PTCHD4: variants seen among roughly 807,000 people sequenced by gnomAD.
PTCHD4 encodes the protein patched domain containing 4, also known as patched domain-containing protein 4.
In PTCHD4, 33 loss-of-function variants were observed where a neutral mutation model predicts 58.1. The ratio of observed to expected loss-of-function variants is 0.57; its 90% CI spans 0.43 to 0.76. The LOEUF (loss-of-function observed/expected upper bound fraction) is 0.76, where lower values mean the gene tolerates loss of function less well. Among genes scored for constraint, PTCHD4 ranks in the 30% least tolerant of loss-of-function variants. The probability of loss-of-function intolerance (pLI) is 0.00; values close to 1 mark genes in which losing one functional copy is unlikely to be tolerated. For missense variants in PTCHD4, 1,058 were observed against 1,027.1 expected (o/e 1.03, Z -0.41); for synonymous variants, 478 against 409.6 (o/e 1.17, Z -2.02).
rs956241096 is a variant in PTCHD4, at chr6:47,867,101, T to C, written c.*11202A>G. ...TATAAATCAGGGACAATAATACCTA[T>C]TCTATTAGGCAGGTATTATTTGAAT... On this transcript the variant is annotated 3_prime_UTR_variant, in exon 5 of 5. Transcript: ENST00000339488. Among the ~76,000 whole-genome samples, 1 of 151,816 alleles carries C rather than the reference T, an allele frequency of 6.6e-6. No homozygotes were observed. The highest frequency in any genetic ancestry group is 2.4e-5 in the African/African-American group (1 of 41,380).
intron 4 of PTCHD4, among the ~76,000 whole-genome samples, chr6:47,987,902 A>C (rs1768133586): frequency 6.6e-6 from 1 of 151,972 alleles, no homozygotes; most frequent in Non-Finnish European, 1.5e-5. Flanking sequence ...CAGCCTCCCA[A>C]GTTGCTGGGA....
Position 47,858,469 on chromosome 6 carries a change from C to G in PTCHD4, c.*19834G>C, listed in dbSNP as rs558231121. 2.6e-5 allele frequency among the ~76,000 whole-genome samples: 4 copies of G among 152,078 alleles called. No homozygotes were observed. The East Asian group carries it at 5.8e-4, about 22-fold the overall frequency. On this transcript the variant is annotated 3_prime_UTR_variant, in exon 5 of 5. Transcript: ENST00000339488. Reference sequence around the variant, plus strand: ...AATGGAAATAAAAGTTATCACATCTCCCAAACAACTATCATTTATGATACT... The same window carrying G: ...AATGGAAATAAAAGTTATCACATCTGCCAAACAACTATCATTTATGATACT...
At chr6:48,065,165 T>C (rs1764754707) in intron 3 of PTCHD4, among the ~76,000 whole-genome samples, 1 of 152,188 alleles carries the variant, frequency 6.6e-6, no homozygotes, top group Admixed American at 6.5e-5. Context: ...TAACAAAGGT[T>C]TCTGACCACT....
Position 48,100,725 on chromosome 6 carries a change from C to G in PTCHD4, c.-970+10324G>C, listed in dbSNP as rs9473241. Among the ~76,000 whole-genome samples the G allele has an allele frequency of 3.9e-5, 6 of 152,106 alleles. No homozygotes were observed. The South Asian group carries it at 1.2e-3, about 32-fold the overall frequency. ...TTTAAGCCCTGATATTCTGTCGACA[C>G]GGAGGGTCACTTTCCTCTCATTGTT... On this transcript the variant is annotated intron_variant, in intron 1 of 4. Transcript: ENST00000339488.
At chr6:48,091,639 C>T (rs1422389415) in intron 1 of PTCHD4, among the ~76,000 whole-genome samples, 1 of 131,982 alleles carries the variant, frequency 7.6e-6, no homozygotes, top group African/African-American at 2.8e-5. Flanking sequence ...CTCCCTTCCT[C>T]TTTCTTTCTC....
rs1554156408 is a variant in PTCHD4, at chr6:47,921,956, A to AG, written c.899-42021_899-42020insC. On this transcript the variant is annotated intron_variant, in intron 4 of 4. Transcript: ENST00000339488. ...CAAGACACCTTGTCTAAAAAAAAAAAAAAAGAAAAGAAAAGAAAAGAAAAG... is the reference window on the plus strand; with the variant it reads ...CAAGACACCTTGTCTAAAAAAAAAAAGAAAAGAAAAGAAAAGAAAAGAAAAG... Among the ~76,000 whole-genome samples, 6 of 147,052 alleles carry AG rather than the reference A, an allele frequency of 4.1e-5. No individual in the cohort carries two copies. In the South Asian group the frequency reaches 1.1e-3, roughly 26 times the overall value.
intron 4 of PTCHD4, 103 bp downstream of exon 4, chr6:48,008,531 C>T: frequency 2.3e-6 from 3 of 1,315,398 alleles, no homozygotes; most frequent in Admixed American, 5.3e-5. Context: ...GACATAGACA[C>T]CCCAATGCAA....
At chr6:47,968,485 AGT>A (rs1162573942) in intron 4 of PTCHD4, among the ~76,000 whole-genome samples, 12 of 152,198 alleles carry the variant, frequency 7.9e-5, no homozygotes, top group Admixed American at 7.9e-4. Flanking sequence ...TGCTGGGTGC[AGT>A]TGTCACAAAC....
chr6:48,068,561 T>C lies in PTCHD4; in HGVS notation c.86A>G (p.His29Arg), dbSNP rs772013885. The C allele has an allele frequency of 5.0e-6, 8 of 1,594,864 alleles. No homozygotes were observed. Among genetic ancestry groups the C allele is most frequent in the Non-Finnish European group, 6.8e-6 (8 of 1,173,806 alleles). ...CCGGCTCACGCACAAACCCAGCCTG[T>C]GGCAGAACGACTGGAGCCCTCTGCG... ...VLRRGLQSFC[H>R]RLGLCVSRHP... Residue 29 changes from histidine to arginine, a missense_variant, in exon 3 of 5, where the codon CAC (histidine) becomes CGC (arginine). Physicochemically the swap from His to Arg is conservative, Grantham distance 29. Transcript: ENST00000339488. This position sits in a 1 kb window ranked among gnomAD's most constrained non-coding sequence, Gnocchi z 4.2.
intron 1 of PTCHD4, among the ~76,000 whole-genome samples, chr6:48,100,450 A>G (rs1375672365): frequency 1.3e-5 from 2 of 152,184 alleles, no homozygotes; most frequent in Non-Finnish European, 2.9e-5. Flanking sequence ...CTCAATTCCC[A>G]AGCAACAGTA....
intron 1 of PTCHD4, among the ~76,000 whole-genome samples, chr6:48,084,390 C>A (rs1765223420): frequency 6.6e-6 from 1 of 152,146 alleles, no homozygotes; most frequent in Non-Finnish European, 1.5e-5. Flanking sequence ...AATTCCTTTG[C>A]ACTTTCATCA....
At chr6:48,090,132 A>T (rs900682476) in intron 1 of PTCHD4, among the ~76,000 whole-genome samples, 1 of 152,194 alleles carries the variant, frequency 6.6e-6, no homozygotes, top group Non-Finnish European at 1.5e-5. Context: ...CAAATTTATT[A>T]TTGTCTGTTT....
intron 4 of PTCHD4, among the ~76,000 whole-genome samples, chr6:47,895,558 C>T (rs907458355): frequency 1.3e-5 from 2 of 152,196 alleles, no homozygotes; most frequent in Non-Finnish European, 2.9e-5. Flanking sequence ...AATCAAACAA[C>T]TAATCAGCAG....
At chr6:47,971,691 T>C (rs12193913) in intron 4 of PTCHD4, among the ~76,000 whole-genome samples, 24,763 of 152,154 alleles carry the variant, frequency 0.16, 2,158 homozygotes, top group South Asian at 0.29. Flanking sequence ...CTCCTATGCT[T>C]CCTTCCTCAG....
intron 3 of PTCHD4, among the ~76,000 whole-genome samples, chr6:48,014,434 C>T (rs1418697910): frequency 6.6e-6 from 1 of 152,030 alleles, no homozygotes; most frequent in African/African-American, 2.4e-5. Context: ...GTTATGACTA[C>T]AAGTAATAAT....
At chr6:47,880,774 C>T (rs1218255200) in intron 4 of PTCHD4, among the ~76,000 whole-genome samples, 1 of 152,150 alleles carries the variant, frequency 6.6e-6, no homozygotes, top group Non-Finnish European at 1.5e-5. Context: ...CTTGAACACC[C>T]AGTGTATGCC....
At chr6:48,029,822 A>G (rs1040836032) in intron 3 of PTCHD4, among the ~76,000 whole-genome samples, 2 of 152,142 alleles carry the variant, frequency 1.3e-5, no homozygotes, top group African/African-American at 4.8e-5. Flanking sequence ...ATAAAATCAG[A>G]TATGACCACA....
intron 4 of PTCHD4, among the ~76,000 whole-genome samples, chr6:47,917,589 T>C (rs897808791): frequency 1.3e-5 from 2 of 152,170 alleles, no homozygotes; most frequent in Admixed American, 1.3e-4. Context: ...CACTTGATTC[T>C]ACTATGCATA....
intron 4 of PTCHD4, among the ~76,000 whole-genome samples, chr6:48,003,717 G>A (rs1431296231): frequency 1.3e-5 from 2 of 152,096 alleles, no homozygotes; most frequent in Non-Finnish European, 2.9e-5. Flanking sequence ...TTCACCCGAA[G>A]GTTAATTCTC....
Sources: allele counts gnomAD v4.1 joint callset (sites outside exome capture counted in the v4.1 genomes callset), GRCh38; gene constraint gnomAD v4.1.1; non-coding constraint Gnocchi (gnomAD v3.1); transcripts MANE v1.5; gene names NCBI Gene and HGNC (gene_info 2026-07-23, HGNC 2026-07-21).